Variants in MYT1L observed in about 807,000 individuals in gnomAD.
MYT1L encodes myelin transcription factor 1-like protein.
Under a neutral mutation model 126.7 loss-of-function variants are expected in MYT1L, and 12 were observed. The observed-to-expected ratio is 0.09, with a 90% CI of 0.06 to 0.15. The LOEUF (loss-of-function observed/expected upper bound fraction) is 0.15. Among genes scored for constraint, MYT1L ranks in the 10% least tolerant of loss-of-function variants. The pLI is 1.00. For synonymous variants in MYT1L, 541 were observed against 604.2 expected (o/e 0.90, Z 1.53); for missense variants, 979 against 1,585.2 (o/e 0.62, Z 6.49).
intron 23 of MYT1L, among the ~76,000 whole-genome samples, chr2:1,799,545 A>T (rs994193817): frequency 6.6e-6 from 1 of 152,134 alleles, no homozygotes; most frequent in East Asian, 1.9e-4. Flanking sequence ...AAGTGGGAAG[A>T]ACCCCCTTCC....
intron 3 of MYT1L, among the ~76,000 whole-genome samples, chr2:2,115,273 C>T (rs899673659): frequency 6.6e-5 from 10 of 152,224 alleles, no homozygotes; most frequent in Admixed American, 2.6e-4. Flanking sequence ...GTAAGTGCCA[C>T]AAGGCCAGTG....
chr2:1,853,942 G>A (rs1572889717), intron 18 of MYT1L, among the ~76,000 whole-genome samples: 1 of 152,136 alleles, frequency 6.6e-6, no homozygotes, highest in African/African-American at 2.4e-5. Context: ...TCCATTGTTT[G>A]ATAAGAAAAT....
intron 1 of MYT1L, among the ~76,000 whole-genome samples, chr2:2,317,337 C>T (rs1197940864): frequency 1.3e-5 from 2 of 152,144 alleles, no homozygotes; most frequent in African/African-American, 4.8e-5. Flanking sequence ...ATGACAGCTA[C>T]TGTTACACAG....
intron 4 of MYT1L, among the ~76,000 whole-genome samples, chr2:2,023,024 A>T (rs1465592881): frequency 1.3e-5 from 2 of 152,182 alleles, no homozygotes; most frequent in African/African-American, 4.8e-5. Flanking sequence ...ATCTTTCATG[A>T]TACTTGTTGG....
At chr2:2,005,526 G>GCATGTGTTCTTTCCTT (rs1191721315) in intron 4 of MYT1L, among the ~76,000 whole-genome samples, 3 of 147,722 alleles carry the variant, frequency 2.0e-5, no homozygotes, top group Non-Finnish European at 4.5e-5. Context: ...GTTCTTTCCT[G>GCATGTGTTCTTTCCTT]CAGGCATTCT....
chr2:1,838,183 G>C (rs2148364713), intron 21 of MYT1L, among the ~76,000 whole-genome samples: 1 of 152,072 alleles, frequency 6.6e-6, no homozygotes, highest in South Asian at 2.1e-4. Context: ...CAAAGTGCTG[G>C]GATTACAGGT....
rs1478254448 is a variant in MYT1L at position 2,016,012 on chromosome 2, G to A, written c.-157-18665C>T. Among the ~76,000 whole-genome samples the A allele has an allele frequency of 3.3e-5, 5 of 152,290 alleles. No individual in the cohort carries two copies. In the East Asian group the frequency reaches 9.6e-4, roughly 29 times the overall value. On this transcript the variant is annotated intron_variant, in intron 4 of 24. Transcript: ENST00000647738. ...TGAGGGAGGGGCTGGAACCTAAAAG[G>A]ACACACACCATCCACTGTTTTCTTT...
At chr2:2,216,736 T>A (rs902336178) in intron 2 of MYT1L, among the ~76,000 whole-genome samples, 1 of 152,020 alleles carries the variant, frequency 6.6e-6, no homozygotes, top group African/African-American at 2.4e-5. Flanking sequence ...GTTTGTTCTT[T>A]AAGAAGGTCA....
Position 2,067,299 on chromosome 2 carries a change from G to A in MYT1L, c.-303-13176C>T, listed in dbSNP as rs190533787. 3.2e-4 allele frequency among the ~76,000 whole-genome samples: 48 copies of A among 152,138 alleles called. No homozygotes were observed. In the East Asian group the frequency reaches 7.3e-3, roughly 23 times the overall value. ...TATGAATATTGCATGAGGAGACTTC[G>A]GAATAGAGAAAGTATGCCACAAGAT... On this transcript the variant is annotated intron_variant, in intron 3 of 24. Transcript: ENST00000647738.
intron 2 of MYT1L, among the ~76,000 whole-genome samples, chr2:2,283,179 T>C (rs914535519): frequency 6.6e-6 from 1 of 152,246 alleles, no homozygotes; most frequent in Non-Finnish European, 1.5e-5. Flanking sequence ...TAATTTAAAA[T>C]CTTTTTGAAG....
At chr2:1,939,493 A>G (rs182140123) in intron 9 of MYT1L, among the ~76,000 whole-genome samples, 19 of 152,336 alleles carry the variant, frequency 1.2e-4, no homozygotes, top group Admixed American at 1.2e-3. Context: ...CTTACGCTGC[A>G]CATCTCACAT....
chr2:2,050,358 A>C (rs991376066), intron 4 of MYT1L, among the ~76,000 whole-genome samples: 1 of 152,210 alleles, frequency 6.6e-6, no homozygotes, highest in African/African-American at 2.4e-5. Flanking sequence ...TCTTTAAAAT[A>C]GTCACCATTC....
At chr2:2,220,052 GA>G (rs2093812287) in intron 2 of MYT1L, among the ~76,000 whole-genome samples, 1 of 152,152 alleles carries the variant, frequency 6.6e-6, no homozygotes, top group Admixed American at 6.5e-5. Flanking sequence ...GAGTGGAGAA[GA>G]GGGGAGGATG....
intron 3 of MYT1L, among the ~76,000 whole-genome samples, chr2:2,135,215 A>T (rs1172140811): frequency 1.3e-5 from 2 of 152,122 alleles, no homozygotes; most frequent in Non-Finnish European, 2.9e-5. Context: ...GGTGGAGGGT[A>T]ATTGAATCAT....
chr2:2,144,124 C>A (rs1467681348), intron 3 of MYT1L, among the ~76,000 whole-genome samples: 1 of 152,114 alleles, frequency 6.6e-6, no homozygotes, highest in Non-Finnish European at 1.5e-5. Context: ...TTATGGTTTA[C>A]AAAATCCTAA....
At chr2:1,804,417 C>T (rs1372477647) in intron 22 of MYT1L, among the ~76,000 whole-genome samples, 1 of 152,158 alleles carries the variant, frequency 6.6e-6, no homozygotes. Context: ...CCACCGCGCC[C>T]AGCCACAACT....
rs926839190 is a variant in MYT1L, at chr2:1,929,812, G to T, written c.506-6549C>A. On this transcript the variant is annotated intron_variant, in intron 9 of 24. Coordinates refer to ENST00000647738, the MANE Select transcript of MYT1L (RefSeq NM_001303052.2). This position sits in a 1 kb window ranked among gnomAD's most constrained non-coding sequence, Gnocchi z 4.7. ...TGAAGAAACTTAGGTCCTGGGAGTT[G>T]AAGTCACCTGCTTGCCATTCATACT... is the stretch of plus-strand genomic sequence containing the variant. Among the ~76,000 whole-genome samples, 6 of 152,220 alleles carry T rather than the reference G, an allele frequency of 3.9e-5. No individual in the cohort carries two copies. Among genetic ancestry groups the T allele is most frequent in the Admixed American group, 3.9e-4 (6 of 15,276 alleles).
At chr2:2,249,593 A>G (rs1489208917) in intron 2 of MYT1L, among the ~76,000 whole-genome samples, 1 of 152,146 alleles carries the variant, frequency 6.6e-6, no homozygotes, top group Admixed American at 6.5e-5. Context: ...AACATTGGAT[A>G]AACTCTCCAG....
chr2:2,161,879 C>T lies in MYT1L; in HGVS notation c.-304+10993G>A, dbSNP rs11895732. Among the ~76,000 whole-genome samples the T allele has an allele frequency of 1.0e-2, 1,521 of 152,178 alleles. 35 individuals carry two copies. Among genetic ancestry groups the T allele is most frequent in the African/African-American group, 0.034 (1,418 of 41,514 alleles). ...GATACCTTAGGACTCGAATGGAGCT[C>T]CAAGGAGAATGAAAAGCAAAGTTGG... On this transcript the variant is annotated intron_variant, in intron 3 of 24. Coordinates refer to ENST00000647738, the MANE Select transcript of MYT1L (RefSeq NM_001303052.2).
Sources: gnomAD v4.1 joint callset for allele counts (sites outside exome capture counted in the v4.1 genomes callset) on GRCh38, gnomAD v4.1.1 for gene constraint, Gnocchi (gnomAD v3.1) non-coding constraint, MANE v1.5 for transcripts, NCBI Gene and HGNC (gene_info 2026-07-23, HGNC 2026-07-21) for gene names.